The following ATXN8OS variants were observed in gnomAD, a reference collection of about 807,000 sequenced individuals.
ATXN8OS encodes ATXN8 opposite strand lncRNA.
At chr13:70,141,264 T>C (rs1872197542) in intron 3 of ATXN8OS, among the ~76,000 whole-genome samples, 1 of 152,166 alleles carries the variant, frequency 6.6e-6, no homozygotes, top group Admixed American at 6.6e-5. Flanking sequence ...CTCCTGGAAA[T>C]ATGTTGTAAT....
chr13:70,136,675 A>C lies in ATXN8OS; in HGVS notation n.499+6791A>C, dbSNP rs192278332. Among the ~76,000 whole-genome samples, 155 of 152,134 alleles carry C rather than the reference A, an allele frequency of 1.0e-3. 1 individual carries two copies. The highest frequency in any genetic ancestry group is 2.8e-4 in the Non-Finnish European group (19 of 67,996). Reference sequence around the variant, plus strand: ...TAGACTCATACATGAGAGAGAGAGAAAGTTTTGCTTTTCTCAAGACACAGT... The same window carrying C: ...TAGACTCATACATGAGAGAGAGAGACAGTTTTGCTTTTCTCAAGACACAGT... On this transcript the variant is annotated intron_variant and non_coding_transcript_variant, in intron 3 of 4. Coordinates refer to ENST00000678624, the Ensembl canonical transcript of ATXN8OS.
At chr13:70,145,904 T>G (rs1395735159) in intron 3 of ATXN8OS, among the ~76,000 whole-genome samples, 1 of 149,758 alleles carries the variant, frequency 6.7e-6, no homozygotes, top group African/African-American at 2.5e-5. Context: ...AAGCCAAAAT[T>G]GACAAATGGG....
intron 1 of ATXN8OS, among the ~76,000 whole-genome samples, chr13:70,108,791 G>A (rs3812855): frequency 0.22 from 33,713 of 152,104 alleles, 4,178 homozygotes; most frequent in South Asian, 0.4. Context: ...TTAATGAACC[G>A]CGTCTTTTAA....
exon 3 of ATXN8OS, chr13:70,129,804 A>G (rs1174022509): frequency 2.5e-6 from 1 of 398,346 alleles, no homozygotes. Flanking sequence ...CACCCCATCA[A>G]TGACAAAAAT....
chr13:70,149,446 G>A (rs1888835912), intron 4 of ATXN8OS, among the ~76,000 whole-genome samples: 1 of 152,180 alleles, frequency 6.6e-6, no homozygotes, highest in African/African-American at 2.4e-5. Flanking sequence ...TGCATTTAGT[G>A]AGGTGTTAAC....
chr13:70,150,650 T>C (rs1206766156), intron 4 of ATXN8OS, among the ~76,000 whole-genome samples: 3 of 152,090 alleles, frequency 2.0e-5, no homozygotes, highest in East Asian at 1.9e-4. Flanking sequence ...CTCTAGTGTC[T>C]GTTGAAAGGC....
exon 5 of ATXN8OS, among the ~76,000 whole-genome samples, chr13:70,170,476 G>A (rs1262703014): frequency 2.0e-5 from 3 of 152,018 alleles, no homozygotes; most frequent in African/African-American, 7.2e-5. Context: ...TTGGGAGCAG[G>A]GAATCACAAA....
At chr13:70,165,079 G>C (rs1336823958) in intron 4 of ATXN8OS, among the ~76,000 whole-genome samples, 1 of 151,804 alleles carries the variant, frequency 6.6e-6, no homozygotes, top group Non-Finnish European at 1.5e-5. Flanking sequence ...CTTCAAAAAA[G>C]ATCTACAGTG....
chr13:70,169,057 T>A (rs1254316485), intron 4 of ATXN8OS, among the ~76,000 whole-genome samples: 3 of 152,124 alleles, frequency 2.0e-5, no homozygotes, highest in African/African-American at 7.2e-5. Context: ...ATGAATAGAT[T>A]GCTATTTTAA....
At position 70,115,465 on chromosome 13, in the gene ATXN8OS, A is replaced by C. The variant is rs558695133; in HGVS notation, n.398+167A>C. 1.6e-4 allele frequency among the ~76,000 whole-genome samples: 25 copies of C among 152,252 alleles called. No individual in the cohort carries two copies. In the South Asian group the frequency reaches 2.7e-3, roughly 16 times the overall value. On this transcript the variant is annotated intron_variant and non_coding_transcript_variant, in intron 2 of 4. Coordinates refer to ENST00000678624, the Ensembl canonical transcript of ATXN8OS. ...GACCACAGCAGTGTGTATTGTTTTC[A>C]AGTCTATATGTATGTTTGTGTATTT... is the stretch of plus-strand genomic sequence containing the variant.
intron 4 of ATXN8OS, among the ~76,000 whole-genome samples, chr13:70,154,465 G>A (rs969048589): frequency 6.6e-6 from 1 of 152,158 alleles, no homozygotes; most frequent in Non-Finnish European, 1.5e-5. Flanking sequence ...GGTGGGATAA[G>A]TGATTGTGGA....
At chr13:70,117,856 TAA>T (rs34796266) in intron 2 of ATXN8OS, among the ~76,000 whole-genome samples, 1 of 151,660 alleles carries the variant, frequency 6.6e-6, no homozygotes, top group Non-Finnish European at 1.5e-5. Flanking sequence ...TATATTGTTG[TAA>T]AAAAAAGTTT....
intron 1 of ATXN8OS, among the ~76,000 whole-genome samples, chr13:70,114,110 T>C (rs1888240194): frequency 6.6e-6 from 1 of 152,224 alleles, no homozygotes; most frequent in Non-Finnish European, 1.5e-5. Flanking sequence ...TTACTAGAAG[T>C]AAATTGGCTT....
intron 3 of ATXN8OS, among the ~76,000 whole-genome samples, chr13:70,146,218 C>T (rs1888784278): frequency 6.7e-6 from 1 of 149,146 alleles, no homozygotes; most frequent in Non-Finnish European, 1.5e-5. Flanking sequence ...AATGAGATAC[C>T]ATCTCACACC....
chr13:70,117,380 A>G (rs1401070203), intron 2 of ATXN8OS, among the ~76,000 whole-genome samples: 1 of 152,104 alleles, frequency 6.6e-6, no homozygotes, highest in African/African-American at 2.4e-5. Context: ...GAAAAAAACT[A>G]TGCTTTTTCC....
intron 2 of ATXN8OS, among the ~76,000 whole-genome samples, chr13:70,116,103 T>TA (rs1888273814): frequency 6.6e-6 from 1 of 151,976 alleles, no homozygotes; most frequent in South Asian, 2.1e-4. Flanking sequence ...ACACATTTTT[T>TA]ATTGAGCACT....
chr13:70,135,621 A>G (rs302021), intron 3 of ATXN8OS, among the ~76,000 whole-genome samples: 4,086 of 149,946 alleles, frequency 0.027, 200 homozygotes, highest in African/African-American at 0.094. Flanking sequence ...ATGGGTCCAT[A>G]TTGAACTTTT....
chr13:70,129,940 C>A, intron 3 of ATXN8OS: 1 of 397,952 alleles, frequency 2.5e-6, no homozygotes, highest in Non-Finnish European at 4.4e-6. Flanking sequence ...GCCATTAGTG[C>A]CTCCTTGATA....
intron 4 of ATXN8OS, among the ~76,000 whole-genome samples, chr13:70,163,547 A>T (rs1566620174): frequency 6.6e-6 from 1 of 152,012 alleles, no homozygotes; most frequent in Non-Finnish European, 1.5e-5. Context: ...AAATATTAAA[A>T]TTATTTGATA....
Sources: allele counts gnomAD v4.1 joint callset (sites outside exome capture counted in the v4.1 genomes callset), GRCh38; gene constraint gnomAD v4.1.1; transcripts MANE v1.5; gene names NCBI Gene and HGNC (gene_info 2026-07-23, HGNC 2026-07-21).